The following EIF5B variants were observed in gnomAD, a reference collection of about 807,000 sequenced individuals.
EIF5B encodes the protein eukaryotic translation initiation factor 5B.
In EIF5B, 47 loss-of-function variants were observed where a neutral mutation model predicts 147.5. That is an observed-to-expected ratio of 0.32 (90% CI 0.25 to 0.41). The LOEUF (loss-of-function observed/expected upper bound fraction) is 0.41. Ranked by LOEUF, EIF5B falls within the 10% of genes least tolerant of loss-of-function variation. The probability of loss-of-function intolerance (pLI) is 1.00; values close to 1 mark genes in which losing one functional copy is unlikely to be tolerated. For synonymous variants in EIF5B, 455 were observed against 456.2 expected, an observed-to-expected ratio of 1.00 and a Z score of 0.03; for missense variants, 1,064 against 1,413.2, an observed-to-expected ratio of 0.75 and a Z score of 3.96.
chr2:99,368,660 A>G (rs868291599), intron 7 of EIF5B, 69 bp downstream of exon 7: 21 of 1,233,830 alleles, frequency 1.7e-5, no homozygotes, highest in Middle Eastern at 5.1e-4. Context: ...TCTTCAAAAC[A>G]GTGTCTGTAA....
rs1674637819 is a variant in EIF5B at position 99,379,142 on chromosome 2, A to C, written c.1950+16A>C. ...TCTAGATAAGGTAAGAAAGTATTAA[A>C]TGTATTGATAGAACTTTGAAAATAA... On this transcript the variant is annotated intron_variant, in intron 11 of 23. Coordinates refer to ENST00000289371, the MANE Select transcript of EIF5B (RefSeq NM_015904.4). The C allele has an allele frequency of 6.4e-7, 1 of 1,570,442 alleles. No homozygotes were observed. Among genetic ancestry groups the C allele is most frequent in the African/African-American group, 1.4e-5 (1 of 72,872 alleles).
intron 10 of EIF5B, among the ~76,000 whole-genome samples, chr2:99,377,104 T>C (rs1387897540): frequency 6.6e-6 from 1 of 152,156 alleles, no homozygotes; most frequent in Non-Finnish European, 1.5e-5. Context: ...CTTAATGCAG[T>C]AGATTTCAGT....
Position 99,365,038 on chromosome 2 carries a change from C to CT in EIF5B, c.1288+623dup, listed in dbSNP as rs1263967081. ...TCACAACTGGGCATATAATTTATTACTTTTTTGAAAGGTAAGGTGATTTAA... is the reference window on the plus strand; with the variant it reads ...TCACAACTGGGCATATAATTTATTACTTTTTTTGAAAGGTAAGGTGATTTAA... On this transcript the variant is annotated intron_variant, in intron 6 of 23. Transcript: ENST00000289371. 2.6e-5 allele frequency among the ~76,000 whole-genome samples: 4 copies of CT among 152,104 alleles called. 1 individual carries two copies. The South Asian group carries it at 6.2e-4, about 24-fold the overall frequency.
At chr2:99,363,517 G>A (rs1674264551) in intron 4 of EIF5B, 128 bp from the exon 5 acceptor site, 1 of 914,136 alleles carries the variant, frequency 1.1e-6, no homozygotes, top group Admixed American at 2.4e-5. Context: ...GATGCCTGTA[G>A]AACTTAGCCT....
rs1675192780 is a variant in EIF5B at position 99,400,196 on chromosome 2, GAGATTTTTAT to G, written c.*784_*793del. ...TGTATGCCAGCACCTGGTAACAGTAGAGATTTTTATACATTAATCTTGATCTGTTTTAATC... is the reference window on the plus strand; with the variant it reads ...TGTATGCCAGCACCTGGTAACAGTAGACATTAATCTTGATCTGTTTTAATC... On this transcript the variant is annotated 3_prime_UTR_variant, in exon 24 of 24. Coordinates refer to ENST00000289371, the MANE Select transcript of EIF5B (RefSeq NM_015904.4). The G allele has an allele frequency of 6.6e-6, 1 of 151,934 alleles. No homozygotes were observed. Among genetic ancestry groups the G allele is most frequent in the Non-Finnish European group, 1.5e-5 (1 of 67,926 alleles). The allele number at this position is 151,934 out of a possible 1,614,324, so 9.4% of individuals were successfully genotyped here.
chr2:99,386,737 G>A (rs905475665), intron 14 of EIF5B, among the ~76,000 whole-genome samples: 2 of 152,096 alleles, frequency 1.3e-5, no homozygotes, highest in African/African-American at 2.4e-5. Context: ...GTGTGTGTGT[G>A]TTTTAGTAAA....
chr2:99,382,752 TTA>T (rs1491150197), intron 13 of EIF5B, 26 bp from the exon 14 acceptor site: 1 of 1,569,700 alleles, frequency 6.4e-7, no homozygotes, highest in East Asian at 2.2e-5. Flanking sequence ...GATTTTCTAC[TTA>T]TAGATCTTTT....
chr2:99,386,837 G>A (rs1007916482), intron 14 of EIF5B, among the ~76,000 whole-genome samples: 38 of 152,156 alleles, frequency 2.5e-4, no homozygotes, highest in African/African-American at 8.4e-4. Flanking sequence ...GAGCCACCAC[G>A]CCCAGCCTCC....
At chr2:99,367,537 A>G (rs1674354658) in intron 6 of EIF5B, among the ~76,000 whole-genome samples, 1 of 151,786 alleles carries the variant, frequency 6.6e-6, no homozygotes, top group Non-Finnish European at 1.5e-5. Flanking sequence ...CCCAGGTTCA[A>G]GTGATTCTCC....
intron 1 of EIF5B, among the ~76,000 whole-genome samples, chr2:99,348,857 T>C (rs2094278469): frequency 6.6e-6 from 1 of 152,216 alleles, no homozygotes. Flanking sequence ...GTCCTGGTAT[T>C]GATTAGGAAT....
At chr2:99,369,921 A>G (rs926352775) in intron 8 of EIF5B, among the ~76,000 whole-genome samples, 1 of 152,084 alleles carries the variant, frequency 6.6e-6, no homozygotes, top group African/African-American at 2.4e-5. Context: ...GGTTGCAGGG[A>G]GATTTCAGTG....
chr2:99,394,728 A>C lies in EIF5B; in HGVS notation c.3099A>C (p.Val1033=). Residue 1033 remains valine (V), a synonymous_variant, in exon 21 of 24, where the codon GTA becomes GTC. Transcript: ENST00000289371. The part of the protein sequence containing the change: ...VMLEHDPQYA[V]ILAFDVRIER... ...TGTTTTAACCTTTTAGGTATGCAGT[A>C]ATTTTGGCCTTCGATGTGAGAATTG... 6.2e-7 allele frequency: 1 copy of C among 1,611,742 alleles called. No individual in the cohort carries two copies. The highest frequency in any genetic ancestry group is 1.1e-5 in the South Asian group (1 of 90,222).
At chr2:99,353,215 A>G (rs188851511) in intron 1 of EIF5B, among the ~76,000 whole-genome samples, 1 of 151,876 alleles carries the variant, frequency 6.6e-6, no homozygotes, top group Non-Finnish European at 1.5e-5. Flanking sequence ...GGGTTTCACC[A>G]TATTGGCCAG....
At position 99,368,578 on chromosome 2, in the gene EIF5B, A is replaced by G; in HGVS notation, c.1374A>G (p.Leu458=). The change falls in exon 7 of 24, where the codon CTA becomes CTG. Residue 458 remains leucine, a synonymous_variant. Transcript: ENST00000289371. ...AGAGGAAAAAAATACCACAGCAGCTAGAAAGTAAAGAAGGTTTGTATACAA... is the reference window on the plus strand; with the variant it reads ...AGAGGAAAAAAATACCACAGCAGCTGGAAAGTAAAGAAGGTTTGTATACAA... ...DKKRKKIPQQ[L]ESKEVSESME... 1 of 1,612,548 alleles carries G rather than the reference A, an allele frequency of 6.2e-7. No individual in the cohort carries two copies. The highest frequency in any genetic ancestry group is 8.5e-7 in the Non-Finnish European group (1 of 1,178,836).
intron 1 of EIF5B, among the ~76,000 whole-genome samples, chr2:99,351,687 G>GTT (rs78415551): frequency 2.4e-4 from 36 of 149,044 alleles, no homozygotes; most frequent in South Asian, 8.5e-4. Context: ...ATATCATTGT[G>GTT]TTTTTTTTTT....
In EIF5B at chr2:99,337,415, G is replaced by T; in HGVS notation, c.-140G>T. The T allele has an allele frequency of 9.7e-7, 1 of 1,026,632 alleles. No individual in the cohort carries two copies. Among genetic ancestry groups the T allele is most frequent in the Non-Finnish European group, 1.5e-6 (1 of 671,822 alleles). The allele number at this position is 1,026,632 out of a possible 1,614,324, so 63.6% of individuals were successfully genotyped here. On this transcript the variant is annotated 5_prime_UTR_variant, in exon 1 of 24. Coordinates refer to ENST00000289371, the MANE Select transcript of EIF5B (RefSeq NM_015904.4). ...CACCATATGTGTCCTGTTCCAGTGCGCGGGTCTGTGGAGAGCCGGGTGCGA... is the reference window on the plus strand; with the variant it reads ...CACCATATGTGTCCTGTTCCAGTGCTCGGGTCTGTGGAGAGCCGGGTGCGA...
At chr2:99,361,053 T>C (rs987245350) in intron 3 of EIF5B, 95 bp from the exon 4 acceptor site, 7 of 1,148,614 alleles carry the variant, frequency 6.1e-6, no homozygotes, top group Admixed American at 6.8e-5. Flanking sequence ...TTGAAATCAT[T>C]TTGAGATTTT....
chr2:99,340,402 C>T (rs1478002894), intron 1 of EIF5B, among the ~76,000 whole-genome samples: 1 of 152,092 alleles, frequency 6.6e-6, no homozygotes, highest in Non-Finnish European at 1.5e-5. Flanking sequence ...GGTGAAGGTC[C>T]ACACTTTAAA....
At chr2:99,384,380 A>G (rs1007715971) in intron 14 of EIF5B, among the ~76,000 whole-genome samples, 2 of 152,148 alleles carry the variant, frequency 1.3e-5, no homozygotes, top group Non-Finnish European at 2.9e-5. Context: ...GTACCTGATT[A>G]CCCAAGCTCT....
Sources: allele counts gnomAD v4.1 joint callset (sites outside exome capture counted in the v4.1 genomes callset), GRCh38; gene constraint gnomAD v4.1.1; transcripts MANE v1.5; gene names NCBI Gene and HGNC (gene_info 2026-07-23, HGNC 2026-07-21).